The following PARD3B variants were observed in gnomAD, a reference collection of about 807,000 sequenced individuals.
PARD3B encodes the protein par-3 family cell polarity regulator beta.
Under a neutral mutation model 130.2 loss-of-function variants are expected in PARD3B, and 103 were observed. The ratio of observed to expected loss-of-function variants is 0.79; its 90% CI spans 0.67 to 0.93. PARD3B has a LOEUF of 0.93. PARD3B is among the 40% of genes least tolerant of loss of function. The pLI, the probability that PARD3B is intolerant of heterozygous loss-of-function variation, is 0.00. For synonymous variants in PARD3B, 583 were observed against 553.2 expected (o/e 1.05, Z -0.76); for missense variants, 1,609 against 1,499.2 (o/e 1.07, Z -1.21).
chr2:204,810,108 T>G (rs1394292634), intron 2 of PARD3B, among the ~76,000 whole-genome samples: 1 of 152,022 alleles, frequency 6.6e-6, no homozygotes, highest in South Asian at 2.1e-4. Flanking sequence ...TCCTGAAATT[T>G]TGGTGAATTT....
Position 205,321,936 on chromosome 2 carries a change from G to A in PARD3B, c.2630+20235G>A, listed in dbSNP as rs1333679783. On this transcript the variant is annotated intron_variant, in intron 18 of 22. Coordinates refer to ENST00000406610, the MANE Select transcript of PARD3B (RefSeq NM_001302769.2). The surrounding 1 kb of genome is among the most constrained non-coding windows in gnomAD (Gnocchi z 4.2). Reference sequence around the variant, plus strand: ...AAAGCGTCGGTAACCATTAAATTTGGTGCAGAGTGCTTGAATGAAATGGTG... The same window carrying A: ...AAAGCGTCGGTAACCATTAAATTTGATGCAGAGTGCTTGAATGAAATGGTG... Among the ~76,000 whole-genome samples the A allele has an allele frequency of 1.3e-5, 2 of 152,162 alleles. No individual in the cohort carries two copies. The highest frequency in any genetic ancestry group is 2.9e-5 in the Non-Finnish European group (2 of 68,024).
chr2:205,392,834 G>A (rs2045904047), intron 18 of PARD3B, among the ~76,000 whole-genome samples: 1 of 152,156 alleles, frequency 6.6e-6, no homozygotes. Context: ...CAGTGTGGGG[G>A]ACCAGAAATA....
rs199570612 is a variant in PARD3B at position 204,551,768 on chromosome 2, TA to T, written c.120+5650del. 3.8e-3 allele frequency among the ~76,000 whole-genome samples: 579 copies of T among 152,334 alleles called. 5 individuals are homozygous for T. The highest frequency in any genetic ancestry group is 0.013 in the African/African-American group (542 of 41,562). ...AATTCATTCCCAGGGTATTCTGTGC[TA>T]CAGATTCCCTTTGAAGAAGTTGGGC... is the stretch of plus-strand genomic sequence containing the variant. On this transcript the variant is annotated intron_variant, in intron 1 of 22. Transcript: ENST00000406610.
chr2:205,346,065 G>A (rs1281890826), intron 18 of PARD3B, among the ~76,000 whole-genome samples: 1 of 145,048 alleles, frequency 6.9e-6, no homozygotes, highest in East Asian at 2.1e-4. Flanking sequence ...CAGCTACTCG[G>A]GAGGCTGAGG....
rs2042475304 is a variant in PARD3B at position 204,799,113 on chromosome 2, C to T, written c.222+112831C>T. ...TTGGCTCCTGGACATTATTTTTGGA[C>T]CTGCTATGGGCCAGACGGGAGCCCA... is the stretch of plus-strand genomic sequence containing the variant. On this transcript the variant is annotated intron_variant, in intron 2 of 22. Transcript: ENST00000406610. This position sits in a 1 kb window ranked among gnomAD's most constrained non-coding sequence, Gnocchi z 4.1. 6.6e-6 allele frequency among the ~76,000 whole-genome samples: 1 copy of T among 152,084 alleles called. No individual in the cohort carries two copies. Among genetic ancestry groups the T allele is most frequent in the African/African-American group, 2.4e-5 (1 of 41,406 alleles).
At chr2:205,174,033 C>T (rs554457220) in intron 12 of PARD3B, among the ~76,000 whole-genome samples, 20 of 152,232 alleles carry the variant, frequency 1.3e-4, no homozygotes, top group African/African-American at 4.6e-4. Context: ...CATACCTGTG[C>T]AGATAGCAAA....
intron 4 of PARD3B, among the ~76,000 whole-genome samples, chr2:205,088,732 A>C (rs1701898848): frequency 6.6e-6 from 1 of 151,652 alleles, no homozygotes; most frequent in Admixed American, 6.6e-5. Context: ...TGTCAATAAT[A>C]GAGATTTATG....
At chr2:205,072,400 G>A (rs1012332176) in intron 4 of PARD3B, among the ~76,000 whole-genome samples, 7 of 152,030 alleles carry the variant, frequency 4.6e-5, no homozygotes, top group East Asian at 1.9e-4. Context: ...ACAGGCGTGC[G>A]CCACCACGCC....
intron 19 of PARD3B, among the ~76,000 whole-genome samples, chr2:205,406,392 A>T (rs2106033254): frequency 6.6e-6 from 1 of 152,322 alleles, no homozygotes; most frequent in South Asian, 2.1e-4. Context: ...ATTAGGGTGC[A>T]GTATGAGGCA....
intron 2 of PARD3B, among the ~76,000 whole-genome samples, chr2:204,843,604 G>T (rs189676842): frequency 6.6e-6 from 1 of 151,940 alleles, no homozygotes; most frequent in African/African-American, 2.4e-5. Context: ...TAGCCAGGCC[G>T]GTCTCAAACT....
At chr2:204,875,171 A>G (rs1387368936) in intron 2 of PARD3B, among the ~76,000 whole-genome samples, 3 of 152,214 alleles carry the variant, frequency 2.0e-5, no homozygotes, top group Non-Finnish European at 2.9e-5. Flanking sequence ...GTATATTTAC[A>G]GAGTGGTACA....
At chr2:205,398,153 T>C (rs1452514307) in intron 18 of PARD3B, among the ~76,000 whole-genome samples, 2 of 151,894 alleles carry the variant, frequency 1.3e-5, no homozygotes, top group Non-Finnish European at 2.9e-5. Context: ...ACAAAAAAAT[T>C]AGCCAGGCTT....
At chr2:205,439,782 A>C (rs532499905) in intron 19 of PARD3B, among the ~76,000 whole-genome samples, 1 of 152,328 alleles carries the variant, frequency 6.6e-6, no homozygotes, top group East Asian at 1.9e-4. Context: ...ATGAGACACA[A>C]TAATCCCCAT....
intron 2 of PARD3B, among the ~76,000 whole-genome samples, chr2:204,958,123 A>G (rs1690427210): frequency 6.6e-6 from 1 of 152,198 alleles, no homozygotes. Flanking sequence ...TAAAAATGCC[A>G]TTATAAATAC....
chr2:205,076,722 A>G (rs1701086145), intron 4 of PARD3B, among the ~76,000 whole-genome samples: 1 of 152,118 alleles, frequency 6.6e-6, no homozygotes, highest in South Asian at 2.1e-4. Flanking sequence ...ACGAGAATCT[A>G]ACTAATGCCT....
chr2:205,193,745 A>ACTTC (rs1005475821), intron 15 of PARD3B, among the ~76,000 whole-genome samples: 2 of 152,174 alleles, frequency 1.3e-5, no homozygotes, highest in African/African-American at 4.8e-5. Context: ...TTAGTGCTTC[A>ACTTC]CTTCCTTCTA....
chr2:204,620,292 C>T (rs2034253530), intron 1 of PARD3B, among the ~76,000 whole-genome samples: 1 of 152,084 alleles, frequency 6.6e-6, no homozygotes, highest in Admixed American at 6.5e-5. Flanking sequence ...CGTGAGACAC[C>T]TCACCCGGCT....
intron 15 of PARD3B, among the ~76,000 whole-genome samples, chr2:205,209,732 T>A (rs2037519844): frequency 6.6e-6 from 1 of 151,942 alleles, no homozygotes; most frequent in East Asian, 1.9e-4. Flanking sequence ...TTAAAGACAC[T>A]GTAAGGAGAG....
At chr2:205,103,391 A>G (rs1702962483) in intron 4 of PARD3B, among the ~76,000 whole-genome samples, 1 of 120,752 alleles carries the variant, frequency 8.3e-6, no homozygotes, top group African/African-American at 2.8e-5. Context: ...TATTTATATA[A>G]ATTATATAAA....
Sources: allele counts gnomAD v4.1 joint callset (sites outside exome capture counted in the v4.1 genomes callset), GRCh38; gene constraint gnomAD v4.1.1; non-coding constraint Gnocchi (gnomAD v3.1); transcripts MANE v1.5; gene names NCBI Gene and HGNC (gene_info 2026-07-23, HGNC 2026-07-21).